The following ZC3H6 variants were observed in gnomAD, a reference collection of about 807,000 sequenced individuals.
The protein encoded by ZC3H6 is zinc finger CCCH-type containing 6.
Under a neutral mutation model 107.7 loss-of-function variants are expected in ZC3H6, and 40 were observed. That is an observed-to-expected ratio of 0.37 (90% CI 0.29 to 0.48). The LOEUF (loss-of-function observed/expected upper bound fraction) is 0.48. Ranked by LOEUF, ZC3H6 falls within the 20% of genes least tolerant of loss-of-function variation. The probability of loss-of-function intolerance (pLI) is 0.98; values close to 1 mark genes in which losing one functional copy is unlikely to be tolerated. For missense variants in ZC3H6, 1,267 were observed against 1,410.4 expected (o/e 0.90, Z 1.63); for synonymous variants, 493 against 487.9 (o/e 1.01, Z -0.14).
chr2:112,290,120 A>AG (rs1491460063), intron 1 of ZC3H6, among the ~76,000 whole-genome samples: 3 of 151,198 alleles, frequency 2.0e-5, no homozygotes, highest in South Asian at 2.1e-4. Flanking sequence ...TAAAAAAAAA[A>AG]CAAACCTATA....
intron 9 of ZC3H6, among the ~76,000 whole-genome samples, 157 bp from the exon 10 acceptor site, chr2:112,323,995 T>G (rs1676854776): frequency 6.6e-6 from 1 of 152,250 alleles, no homozygotes; most frequent in Non-Finnish European, 1.5e-5. Flanking sequence ...ATTTCGTGTT[T>G]CTACCTATCG....
At chr2:112,307,546 G>T (rs534297779) in intron 3 of ZC3H6, among the ~76,000 whole-genome samples, 1 of 152,226 alleles carries the variant, frequency 6.6e-6, no homozygotes, top group Non-Finnish European at 1.5e-5. Context: ...CCTCGCCCAT[G>T]AGTGCGTTTT....
At position 112,334,713 on chromosome 2, in the gene ZC3H6, G is replaced by A. The variant is rs962896562; in HGVS notation, c.*2225G>A. Reference sequence around the variant, plus strand: ...TATGCAGCATTTTTATTGTGATAACGTTAGTTTATGGGATATTCTGTCATA... The same window carrying A: ...TATGCAGCATTTTTATTGTGATAACATTAGTTTATGGGATATTCTGTCATA... On this transcript the variant is annotated 3_prime_UTR_variant, in exon 12 of 12. Coordinates refer to ENST00000409871, the MANE Select transcript of ZC3H6 (RefSeq NM_198581.3). 1.3e-5 allele frequency: 2 copies of A among 152,334 alleles called. No individual in the cohort carries two copies. The highest frequency in any genetic ancestry group is 2.9e-5 in the Non-Finnish European group (2 of 67,948). 9.4% of individuals were successfully genotyped at this position (152,334 alleles called of 1,614,324 possible). A position where few individuals can be genotyped will look rare whatever the true frequency, so the allele number is the denominator to read the frequency against.
chr2:112,336,087 G>A lies in ZC3H6; in HGVS notation c.*3599G>A, dbSNP rs2104731492. Reference sequence around the variant, plus strand: ...CTGTAATATGTATTTCTTCAGGCATGTCACACTGCGGTCTTCCTGAAAGAC... The same window carrying A: ...CTGTAATATGTATTTCTTCAGGCATATCACACTGCGGTCTTCCTGAAAGAC... On this transcript the variant is annotated 3_prime_UTR_variant, in exon 12 of 12. Coordinates refer to ENST00000409871, the MANE Select transcript of ZC3H6 (RefSeq NM_198581.3). The A allele has an allele frequency of 6.6e-6, 1 of 152,304 alleles. No individual in the cohort carries two copies. Among genetic ancestry groups the A allele is most frequent in the Non-Finnish European group, 1.5e-5 (1 of 68,022 alleles). 9.4% of individuals were successfully genotyped at this position (152,304 alleles called of 1,614,324 possible).
intron 1 of ZC3H6, among the ~76,000 whole-genome samples, chr2:112,282,689 GA>G (rs1400422248): frequency 3.3e-5 from 5 of 152,188 alleles, no homozygotes; most frequent in African/African-American, 1.2e-4. Flanking sequence ...ATAAGGACTA[GA>G]AATTTACATC....
intron 1 of ZC3H6, among the ~76,000 whole-genome samples, chr2:112,291,588 T>TTAAA (rs1433441742): frequency 6.6e-6 from 1 of 152,206 alleles, no homozygotes; most frequent in African/African-American, 2.4e-5. Context: ...CAACCAGAGC[T>TTAAA]TAAATAAATA....
chr2:112,324,476 C>A lies in ZC3H6; in HGVS notation c.1665C>A (p.Gly555=). ...PSMGGAYHSP[G]FPGHVMKVPR... is the part of the protein sequence containing the mutation. The stretch of plus-strand genomic sequence containing the variant: ...TGGGTGGGGCTTACCACTCCCCAGG[C>A]TTTCCAGGACATGTGATGAAAGTAC... The change falls in exon 10 of 12, where the codon GGC becomes GGA. Residue 555 remains glycine (G), a synonymous_variant. Coordinates refer to ENST00000409871, the MANE Select transcript of ZC3H6 (RefSeq NM_198581.3). 2 of 1,613,842 alleles carry A rather than the reference C, an allele frequency of 1.2e-6. No homozygotes were observed. Among genetic ancestry groups the A allele is most frequent in the Non-Finnish European group, 1.7e-6 (2 of 1,179,798 alleles).
At chr2:112,296,676 G>T (rs1676241818) in intron 1 of ZC3H6, among the ~76,000 whole-genome samples, 1 of 151,754 alleles carries the variant, frequency 6.6e-6, no homozygotes, top group African/African-American at 2.4e-5. Context: ...GAAAATTCCA[G>T]TGACTTTACA....
At chr2:112,318,781 A>T (rs961961906) in intron 7 of ZC3H6, among the ~76,000 whole-genome samples, 1 of 152,160 alleles carries the variant, frequency 6.6e-6, no homozygotes, top group East Asian at 1.9e-4. Context: ...CTGGGCAGTG[A>T]TTACTGATGG....
intron 5 of ZC3H6, among the ~76,000 whole-genome samples, chr2:112,312,610 C>T (rs1573959133): frequency 6.6e-6 from 1 of 152,154 alleles, no homozygotes; most frequent in East Asian, 1.9e-4. Context: ...CGCCCGTAAT[C>T]CCAGCACTTT....
intron 1 of ZC3H6, among the ~76,000 whole-genome samples, chr2:112,281,729 T>G (rs1209223285): frequency 6.6e-6 from 1 of 152,168 alleles, no homozygotes; most frequent in East Asian, 1.9e-4. Flanking sequence ...TATCTGGAAT[T>G]TTTAGCTGAT....
intron 3 of ZC3H6, among the ~76,000 whole-genome samples, chr2:112,306,174 CTTTTTTT>C (rs35102517): frequency 7.3e-6 from 1 of 136,888 alleles, no homozygotes; most frequent in Non-Finnish European, 1.6e-5. Context: ...GTCTGTATTT[CTTTTTTT>C]TTTTTTTTTG....
At chr2:112,321,448 C>T (rs1393751760) in intron 7 of ZC3H6, among the ~76,000 whole-genome samples, 1 of 151,388 alleles carries the variant, frequency 6.6e-6, no homozygotes, top group South Asian at 2.1e-4. Flanking sequence ...ATTAAAATAT[C>T]TAACCTTAAT....
rs781361376 is a variant in ZC3H6 at position 112,322,663 on chromosome 2, T to C, written c.1101T>C (p.Asp367=). Residue 367 remains aspartate (D), a synonymous_variant, in exon 9 of 12, where the codon GAT becomes GAC. Coordinates refer to ENST00000409871, the MANE Select transcript of ZC3H6 (RefSeq NM_198581.3). ...ATTATTTTTAGGTGTTGAATACTGA[T>C]GAAGAACTCATAAATGAAGATGAAA... ...KKLLDKVLNT[D]EELINEDERE... 6.2e-7 allele frequency: 1 copy of C among 1,604,780 alleles called. No individual in the cohort carries two copies. Among genetic ancestry groups the C allele is most frequent in the East Asian group, 2.2e-5 (1 of 44,860 alleles).
At chr2:112,287,802 C>G (rs1686634951) in intron 1 of ZC3H6, among the ~76,000 whole-genome samples, 1 of 152,234 alleles carries the variant, frequency 6.6e-6, no homozygotes, top group Non-Finnish European at 1.5e-5. Context: ...CAGGGTTTCA[C>G]TGTGTTAGCC....
intron 7 of ZC3H6, among the ~76,000 whole-genome samples, chr2:112,318,386 TTA>T (rs1676740075): frequency 6.6e-6 from 1 of 152,096 alleles, no homozygotes; most frequent in Non-Finnish European, 1.5e-5. Context: ...GTGAGAAAGA[TTA>T]TGTGTAATTT....
chr2:112,335,881 A>G lies in ZC3H6; in HGVS notation c.*3393A>G, dbSNP rs1302624798. On this transcript the variant is annotated 3_prime_UTR_variant, in exon 12 of 12. Transcript: ENST00000409871. ...GAGCTATATAGACTTGGGCCTCTTCAAGATCTGACTTCTCTGCACATTCTA... is the reference window on the plus strand; with the variant it reads ...GAGCTATATAGACTTGGGCCTCTTCGAGATCTGACTTCTCTGCACATTCTA... 1 of 152,170 alleles carries G rather than the reference A, an allele frequency of 6.6e-6. No individual in the cohort carries two copies. Among genetic ancestry groups the G allele is most frequent in the Non-Finnish European group, 1.5e-5 (1 of 68,030 alleles). The allele number at this position is 152,170 out of a possible 1,614,324, so 9.4% of individuals were successfully genotyped here.
intron 7 of ZC3H6, among the ~76,000 whole-genome samples, chr2:112,320,178 C>T (rs1020746224): frequency 1.3e-5 from 2 of 152,218 alleles, no homozygotes; most frequent in Non-Finnish European, 1.5e-5. Flanking sequence ...GGTGATCCGC[C>T]TGCCTCGGCC....
intron 1 of ZC3H6, 145 bp from the exon 2 acceptor site, chr2:112,299,704 T>C: frequency 2.1e-6 from 1 of 475,150 alleles, no homozygotes; most frequent in Non-Finnish European, 3.5e-6. Context: ...ATATTTACTA[T>C]CTGGGCCTTT....
Sources: gnomAD v4.1 joint callset for allele counts (sites outside exome capture counted in the v4.1 genomes callset) on GRCh38, gnomAD v4.1.1 for gene constraint, MANE v1.5 for transcripts, NCBI Gene and HGNC (gene_info 2026-07-23, HGNC 2026-07-21) for gene names.